Variants in CPNE4 observed in about 807,000 individuals in gnomAD.
The protein encoded by CPNE4 is copine-4.
In CPNE4, 25 loss-of-function variants were observed where a neutral mutation model predicts 67.9. That is an observed-to-expected ratio of 0.37 (90% confidence interval 0.27 to 0.51). The LOEUF (loss-of-function observed/expected upper bound fraction) is 0.51, where lower values mean the gene tolerates loss of function less well. Ranked by LOEUF, CPNE4 falls within the 20% of genes least tolerant of loss-of-function variation. CPNE4 has a pLI of 0.93. For synonymous variants in CPNE4, 242 were observed against 244.9 expected (o/e 0.99, Z 0.11); for missense variants, 464 against 690.8 (o/e 0.67, Z 3.68).
At chr3:131,669,805 G>A in intron 6 of CPNE4, 41 bp from the exon 7 acceptor site, 2 of 1,452,446 alleles carry the variant, frequency 1.4e-6, no homozygotes, top group Non-Finnish European at 9.6e-7. Context: ...GGGGAGAAAT[G>A]CTTGACATTT....
chr3:131,683,116 T>A (rs1306113882), intron 6 of CPNE4, among the ~76,000 whole-genome samples: 1 of 152,146 alleles, frequency 6.6e-6, no homozygotes, highest in African/African-American at 2.4e-5. Flanking sequence ...AAGAGCCCAA[T>A]TGCTGCTCTA....
intron 3 of CPNE4, among the ~76,000 whole-genome samples, chr3:131,701,630 C>G (rs966971041): frequency 6.6e-6 from 1 of 152,182 alleles, no homozygotes; most frequent in Non-Finnish European, 1.5e-5. Context: ...AAACTGAAGT[C>G]TCTGGCTAAC....
At chr3:131,765,039 GTAT>G (rs2082976542) in intron 2 of CPNE4, among the ~76,000 whole-genome samples, 1 of 152,054 alleles carries the variant, frequency 6.6e-6, no homozygotes, top group Non-Finnish European at 1.5e-5. Flanking sequence ...GTTGTCACTG[GTAT>G]TATCTTCCCT....
At chr3:131,911,543 TTGTGTGTGTG>T (rs3041573) in intron 1 of CPNE4, among the ~76,000 whole-genome samples, 20,588 of 145,976 alleles carry the variant, frequency 0.14, 2,031 homozygotes, top group African/African-American at 0.29. Context: ...GCACTCCAAG[TTGTGTGTGTG>T]TGTGTGTGTG....
intron 7 of CPNE4, among the ~76,000 whole-genome samples, chr3:131,656,072 T>G (rs1281926531): frequency 4.6e-5 from 6 of 130,212 alleles, no homozygotes; most frequent in Non-Finnish European, 1.0e-4. Flanking sequence ...TTTTTTTTTG[T>G]GACTTGCATT....
chr3:131,922,034 C>T (rs2070751451), intron 1 of CPNE4, among the ~76,000 whole-genome samples: 1 of 152,160 alleles, frequency 6.6e-6, no homozygotes, highest in African/African-American at 2.4e-5. Context: ...ATCACCCACC[C>T]ACATTCTGAG....
chr3:131,738,957 C>T (rs534752658), intron 2 of CPNE4, among the ~76,000 whole-genome samples: 8 of 151,312 alleles, frequency 5.3e-5, no homozygotes, highest in Non-Finnish European at 7.4e-5. Context: ...CAGGGTCAAG[C>T]GATTCTCCTG....
intron 11 of CPNE4, among the ~76,000 whole-genome samples, chr3:131,562,381 A>T (rs1436094633): frequency 6.6e-6 from 1 of 152,000 alleles, no homozygotes; most frequent in African/African-American, 2.4e-5. Flanking sequence ...TAGAAAACCC[A>T]TCAGTCTTCT....
At chr3:131,615,384 A>G (rs1940076371) in intron 7 of CPNE4, among the ~76,000 whole-genome samples, 1 of 152,194 alleles carries the variant, frequency 6.6e-6, no homozygotes, top group Non-Finnish European at 1.5e-5. Flanking sequence ...ATACCATAGC[A>G]ATACCATTAG....
intron 2 of CPNE4, among the ~76,000 whole-genome samples, chr3:131,837,165 T>C (rs2085590704): frequency 6.6e-6 from 1 of 152,120 alleles, no homozygotes; most frequent in South Asian, 2.1e-4. Context: ...GGAAGCAGTG[T>C]GATAGTTTCT....
intron 2 of CPNE4, among the ~76,000 whole-genome samples, chr3:131,741,300 A>G (rs2082351653): frequency 6.6e-6 from 1 of 152,160 alleles, no homozygotes; most frequent in South Asian, 2.1e-4. Flanking sequence ...ATTGTTGTAA[A>G]CAACCAAGAT....
chr3:131,609,149 AT>A (rs1939675137), intron 7 of CPNE4, among the ~76,000 whole-genome samples: 1 of 152,118 alleles, frequency 6.6e-6, no homozygotes, highest in South Asian at 2.1e-4. Flanking sequence ...TGATTAATGT[AT>A]ATTTACCCCC....
intron 2 of CPNE4, among the ~76,000 whole-genome samples, chr3:131,798,117 C>T (rs941538175): frequency 6.6e-6 from 1 of 152,128 alleles, no homozygotes; most frequent in African/African-American, 2.4e-5. Flanking sequence ...TTTATAACCT[C>T]CTCAGAGGCC....
chr3:131,643,314 T>C (rs1360288159), intron 7 of CPNE4, among the ~76,000 whole-genome samples: 1 of 152,176 alleles, frequency 6.6e-6, no homozygotes, highest in Non-Finnish European at 1.5e-5. Context: ...AAGGGGATCA[T>C]TTTGGAACTT....
At chr3:131,619,707 C>T (rs777002328) in intron 7 of CPNE4, among the ~76,000 whole-genome samples, 22 of 152,108 alleles carry the variant, frequency 1.4e-4, no homozygotes, top group Non-Finnish European at 2.5e-4. Flanking sequence ...GTCACTTTGG[C>T]GTATTTATTA....
At chr3:131,905,492 A>G in intron 1 of CPNE4, 48 bp from the exon 2 acceptor site, 1 of 1,516,938 alleles carries the variant, frequency 6.6e-7, no homozygotes, top group Non-Finnish European at 8.9e-7. Flanking sequence ...AATCACTGCA[A>G]TATTTGTCAA....
Position 131,537,677 on chromosome 3 carries a change from C to G in CPNE4, c.1540-2348G>C, listed in dbSNP as rs186187116. ...AGTTTGGGACTTCAGCCAACATGCT[C>G]TGGACACAGTTGGCCCTATGTCCCT... On this transcript the variant is annotated intron_variant, in intron 15 of 15. Coordinates refer to ENST00000429747, the MANE Select transcript of CPNE4 (RefSeq NM_130808.3). The G allele has an allele frequency of 9.7e-5, 24 of 247,828 alleles. No homozygotes were observed. In the Middle Eastern group the frequency reaches 2.9e-3, roughly 30 times the overall value. 15.4% of individuals were successfully genotyped at this position (247,828 alleles called of 1,614,324 possible).
At chr3:131,972,656 G>C (rs2072535837) in intron 1 of CPNE4, among the ~76,000 whole-genome samples, 1 of 152,182 alleles carries the variant, frequency 6.6e-6, no homozygotes, top group South Asian at 2.1e-4. Context: ...CACAAAGGGA[G>C]AAGGCCATAT....
rs182160249 is a variant in CPNE4 at position 131,548,978 on chromosome 3, A to C, written c.1302+969T>G. ...GGGAGATATTAACTTAAAGCAGGAGATATTATTGAATGAGTACTTGTTAAT... is the reference window on the plus strand; with the variant it reads ...GGGAGATATTAACTTAAAGCAGGAGCTATTATTGAATGAGTACTTGTTAAT... On this transcript the variant is annotated intron_variant, in intron 14 of 15. Transcript: ENST00000429747. Among the ~76,000 whole-genome samples, 578 of 152,274 alleles carry C rather than the reference A, an allele frequency of 3.8e-3. 6 individuals are homozygous for C. The highest frequency in any genetic ancestry group is 0.013 in the African/African-American group (554 of 41,562).
Sources: gnomAD v4.1 joint callset for allele counts (sites outside exome capture counted in the v4.1 genomes callset) on GRCh38, gnomAD v4.1.1 for gene constraint, MANE v1.5 for transcripts, NCBI Gene and HGNC (gene_info 2026-07-23, HGNC 2026-07-21) for gene names.